Variants in KCNB2 observed in about 807,000 individuals in gnomAD.
KCNB2 encodes delayed rectifier potassium channel protein.
Under a neutral mutation model 61.5 loss-of-function variants are expected in KCNB2, and 15 were observed. The ratio of observed to expected loss-of-function variants is 0.24; its 90% CI spans 0.16 to 0.38. The LOEUF (loss-of-function observed/expected upper bound fraction) is 0.38. KCNB2 is among the 10% of genes least tolerant of loss of function. The pLI is 1.00. For synonymous variants in KCNB2, 457 were observed against 446.0 expected (o/e 1.02, Z -0.31); for missense variants, 828 against 1,125.2 (o/e 0.74, Z 3.78).
chr8:72,826,185 C>T (rs954912354), intron 2 of KCNB2, among the ~76,000 whole-genome samples: 1 of 152,134 alleles, frequency 6.6e-6, no homozygotes, highest in African/African-American at 2.4e-5. Flanking sequence ...ACTTTGGTAT[C>T]CATTACGTAT....
intron 1 of KCNB2, among the ~76,000 whole-genome samples, chr8:72,546,055 T>G (rs781346886): frequency 6.6e-6 from 1 of 152,164 alleles, no homozygotes; most frequent in African/African-American, 2.4e-5. Flanking sequence ...GGCCCCCTGT[T>G]CTGGCAATAG....
At chr8:72,698,863 T>C (rs1285295077) in intron 2 of KCNB2, among the ~76,000 whole-genome samples, 1 of 151,992 alleles carries the variant, frequency 6.6e-6, no homozygotes, top group Non-Finnish European at 1.5e-5. Context: ...AAAAATTAAC[T>C]CAACATGAAT....
intron 2 of KCNB2, among the ~76,000 whole-genome samples, chr8:72,614,167 C>T (rs2087946429): frequency 6.6e-6 from 1 of 152,162 alleles, no homozygotes; most frequent in Non-Finnish European, 1.5e-5. Flanking sequence ...AACATCACAA[C>T]CTCTTCTCCC....
chr8:72,812,251 G>A (rs1809319954), intron 2 of KCNB2, among the ~76,000 whole-genome samples: 2 of 151,614 alleles, frequency 1.3e-5, no homozygotes, highest in Non-Finnish European at 2.9e-5. Context: ...CTGGGCTACA[G>A]AGTGAGACTC....
intron 2 of KCNB2, among the ~76,000 whole-genome samples, chr8:72,716,421 T>C (rs1192130819): frequency 1.3e-5 from 2 of 152,074 alleles, no homozygotes; most frequent in Non-Finnish European, 2.9e-5. Flanking sequence ...CAATAAAATA[T>C]TGGCAAGCCG....
At chr8:72,665,044 T>G (rs1806444591) in intron 2 of KCNB2, among the ~76,000 whole-genome samples, 1 of 152,068 alleles carries the variant, frequency 6.6e-6, no homozygotes, top group Non-Finnish European at 1.5e-5. Context: ...GGGAAGAACA[T>G]CTAGGCCCAG....
At chr8:72,640,006 T>A (rs1806030146) in intron 2 of KCNB2, among the ~76,000 whole-genome samples, 2 of 152,022 alleles carry the variant, frequency 1.3e-5, no homozygotes. Flanking sequence ...TTTTTTTTTT[T>A]TACTGTCTTT....
intron 2 of KCNB2, among the ~76,000 whole-genome samples, chr8:72,646,431 C>T (rs1313813723): frequency 1.3e-5 from 2 of 152,032 alleles, no homozygotes; most frequent in African/African-American, 4.8e-5. Flanking sequence ...AGGATTGGCT[C>T]ATAAATCTTC....
chr8:72,931,099 G>A (rs910848724), intron 2 of KCNB2, among the ~76,000 whole-genome samples: 9 of 152,200 alleles, frequency 5.9e-5, no homozygotes, highest in African/African-American at 2.2e-4. Context: ...TCAAAGATCA[G>A]ATAGTTGTAG....
At chr8:72,740,549 C>T (rs745607725) in intron 2 of KCNB2, among the ~76,000 whole-genome samples, 2 of 152,130 alleles carry the variant, frequency 1.3e-5, no homozygotes, top group Non-Finnish European at 2.9e-5. Flanking sequence ...AGAGCAAGTT[C>T]TCATGGGGAA....
chr8:72,724,396 A>G (rs1328489979), intron 2 of KCNB2, among the ~76,000 whole-genome samples: 1 of 152,244 alleles, frequency 6.6e-6, no homozygotes, highest in African/African-American at 2.4e-5. Flanking sequence ...AATCAAAGTG[A>G]AGATAAAGAA....
intron 1 of KCNB2, among the ~76,000 whole-genome samples, chr8:72,564,792 A>G (rs549400886): frequency 3.9e-4 from 60 of 152,332 alleles, no homozygotes; most frequent in Non-Finnish European, 6.9e-4. Flanking sequence ...TTATAATTCA[A>G]TGGGAAAGAC....
intron 2 of KCNB2, among the ~76,000 whole-genome samples, chr8:72,639,835 G>T (rs913192601): frequency 1.3e-5 from 2 of 152,014 alleles, no homozygotes; most frequent in Non-Finnish European, 2.9e-5. Context: ...GATAGCCAGG[G>T]TTGAGAGCTA....
intron 2 of KCNB2, among the ~76,000 whole-genome samples, chr8:72,776,944 T>C (rs1808666522): frequency 1.3e-5 from 2 of 152,208 alleles, no homozygotes; most frequent in Non-Finnish European, 2.9e-5. Context: ...TTCTAGGACT[T>C]TATGATTCAT....
intron 1 of KCNB2, among the ~76,000 whole-genome samples, chr8:72,546,551 G>A (rs1347484749): frequency 2.6e-5 from 4 of 151,380 alleles, no homozygotes; most frequent in Non-Finnish European, 5.9e-5. Context: ...GAAGAAACAA[G>A]TGTTAAATAT....
At chr8:72,787,529 A>C (rs1808862722) in intron 2 of KCNB2, among the ~76,000 whole-genome samples, 2 of 152,022 alleles carry the variant, frequency 1.3e-5, no homozygotes, top group Non-Finnish European at 2.9e-5. Flanking sequence ...TGGCAGTTTT[A>C]AAAGATTGGG....
intron 2 of KCNB2, among the ~76,000 whole-genome samples, chr8:72,801,162 G>A (rs1809119338): frequency 6.6e-6 from 1 of 152,178 alleles, no homozygotes; most frequent in African/African-American, 2.4e-5. Flanking sequence ...AGTTTTACTA[G>A]AGTCTTTTGA....
rs1374233520 is a variant in KCNB2, at chr8:72,938,083, A to G, written c.2728A>G (p.Ser910Gly). 1.9e-6 allele frequency: 3 copies of G among 1,594,672 alleles called. No homozygotes were observed. The South Asian group carries it at 3.4e-5, about 18-fold the overall frequency. Residue 910 changes from serine (S) to glycine (G), a missense_variant, in exon 3 of 3, where the codon AGC becomes GGC. Coordinates refer to ENST00000523207, the MANE Select transcript of KCNB2 (RefSeq NM_004770.3). ...AGGTTATTGTCCCACACGTGAAACC[A>G]GCATGTGACTAGTTACAAAAGCAAT... ...DTGYCPTRET[S>G]M
At chr8:72,793,075 T>C (rs1808972504) in intron 2 of KCNB2, among the ~76,000 whole-genome samples, 2 of 152,202 alleles carry the variant, frequency 1.3e-5, no homozygotes, top group African/African-American at 4.8e-5. Context: ...ATGTCCTGGA[T>C]TTTCCAGTAC....
Sources: allele counts gnomAD v4.1 joint callset (sites outside exome capture counted in the v4.1 genomes callset), GRCh38; gene constraint gnomAD v4.1.1; transcripts MANE v1.5; gene names NCBI Gene and HGNC (gene_info 2026-07-23, HGNC 2026-07-21).